FLNB: variants seen among roughly 807,000 people sequenced by gnomAD.
FLNB encodes the protein filamin B.
A neutral mutation model predicts 250.6 loss-of-function variants in FLNB; 111 were observed. That is an observed-to-expected ratio of 0.44 (90% CI 0.38 to 0.52). The LOEUF (loss-of-function observed/expected upper bound fraction) is 0.52, where lower values mean the gene tolerates loss of function less well. Among genes scored for constraint, FLNB ranks in the 20% least tolerant of loss-of-function variants. The probability of loss-of-function intolerance (pLI) is 0.00; values close to 1 mark genes in which losing one functional copy is unlikely to be tolerated. For missense variants in FLNB, 2,869 were observed against 3,447.8 expected (o/e 0.83, Z 4.20); for synonymous variants, 1,302 against 1,372.1 (o/e 0.95, Z 1.13).
At chr3:58,145,390 G>A (rs1264448301) in intron 32 of FLNB, among the ~76,000 whole-genome samples, 3 of 152,124 alleles carry the variant, frequency 2.0e-5, no homozygotes, top group Non-Finnish European at 4.4e-5. Context: ...GAGTAGATCA[G>A]CATTTATTTA....
intron 5 of FLNB, among the ~76,000 whole-genome samples, chr3:58,095,780 C>T (rs563763966): frequency 3.9e-5 from 6 of 152,226 alleles, no homozygotes; most frequent in Admixed American, 3.3e-4. Flanking sequence ...GGGATTGTAT[C>T]TGACTTGCTC....
chr3:58,115,008 G>A (rs74854867), intron 18 of FLNB, among the ~76,000 whole-genome samples: 1 of 151,904 alleles, frequency 6.6e-6, no homozygotes, highest in East Asian at 1.9e-4. Context: ...GCCTTTTCAC[G>A]CCGTTAACAG....
At chr3:58,145,884 TG>T (rs1559727652) in intron 32 of FLNB, 36 bp from the exon 33 acceptor site, 1 of 1,613,910 alleles carries the variant, frequency 6.2e-7, no homozygotes. Flanking sequence ...CACCCCTTAA[TG>T]AGCACCAATT....
rs111230857 is a variant in FLNB, at chr3:58,143,662, C to T, written c.5425+49C>T. 1.7e-4 allele frequency: 280 copies of T among 1,609,832 alleles called. No homozygotes were observed. The African/African-American group carries it at 2.8e-3, about 16-fold the overall frequency. ...CAGGGCTCCACCATTCAGGGGCATC[C>T]GGGCAGCCTGCAGACACTCCTCAGC... On this transcript the variant is annotated intron_variant, in intron 32 of 45. Coordinates refer to ENST00000295956, the MANE Select transcript of FLNB (RefSeq NM_001457.4).
At chr3:58,020,048 G>GTGTGT (rs2097111410) in intron 1 of FLNB, among the ~76,000 whole-genome samples, 1 of 136,904 alleles carries the variant, frequency 7.3e-6, no homozygotes, top group African/African-American at 2.7e-5. Flanking sequence ...ACACCACAGG[G>GTGTGT]GTGTGTGTGT....
At chr3:58,100,031 G>A (rs1461411209) in intron 8 of FLNB, among the ~76,000 whole-genome samples, 1 of 151,956 alleles carries the variant, frequency 6.6e-6, no homozygotes, top group Non-Finnish European at 1.5e-5. Context: ...TTCCATGAGT[G>A]TGTGTGTGTT....
chr3:58,062,253 C>T (rs1050611639), intron 1 of FLNB, among the ~76,000 whole-genome samples: 5 of 152,164 alleles, frequency 3.3e-5, no homozygotes, highest in African/African-American at 1.2e-4. Context: ...GTCATGACTT[C>T]TGAAAAACAG....
At position 58,021,431 on chromosome 3, in the gene FLNB, T is replaced by G. The variant is rs115965567; in HGVS notation, c.292+12575T>G. 7.8e-3 allele frequency among the ~76,000 whole-genome samples: 1,184 copies of G among 152,126 alleles called. 14 individuals are homozygous for G. Among genetic ancestry groups the G allele is most frequent in the African/African-American group, 0.027 (1,111 of 41,498 alleles). On this transcript the variant is annotated intron_variant, in intron 1 of 45. Transcript: ENST00000295956. Reference sequence around the variant, plus strand: ...GACCAGGAATGTGCTGCTGCTGGGATGGGGGCCCTCGGTGGAGCTTCTAGC... The same window carrying G: ...GACCAGGAATGTGCTGCTGCTGGGAGGGGGGCCCTCGGTGGAGCTTCTAGC...
intron 1 of FLNB, among the ~76,000 whole-genome samples, chr3:58,064,921 T>C (rs958637775): frequency 8.5e-5 from 13 of 152,132 alleles, no homozygotes; most frequent in Non-Finnish European, 8.8e-5. Context: ...GTGTCTGTAG[T>C]CCCAGCTACT....
chr3:58,163,559 T>C (rs942003621), intron 43 of FLNB: 5 of 563,178 alleles, frequency 8.9e-6, no homozygotes, highest in African/African-American at 1.9e-5. Flanking sequence ...ACCTCATTAC[T>C]GTTAGTTGTG....
chr3:58,133,411 A>G (rs897150643), intron 26 of FLNB, among the ~76,000 whole-genome samples: 24 of 132,110 alleles, frequency 1.8e-4, no homozygotes, highest in African/African-American at 7.3e-4. Context: ...AGCCTGGGCA[A>G]CATAGACCCT....
intron 4 of FLNB, among the ~76,000 whole-genome samples, chr3:58,086,978 G>C (rs2097218346): frequency 6.6e-6 from 1 of 152,194 alleles, no homozygotes; most frequent in Non-Finnish European, 1.5e-5. Context: ...GGGCATGGCG[G>C]CATGTGCCTG....
chr3:58,142,583 C>T lies in FLNB; in HGVS notation c.5182-67C>T. On this transcript the variant is annotated intron_variant, in intron 30 of 45. Transcript: ENST00000295956. The surrounding 1 kb of genome is among the most constrained non-coding windows in gnomAD (Gnocchi z 4.3). The stretch of plus-strand genomic sequence containing the variant: ...CTTGTAGAATTCCCAGCAGCTCTAA[C>T]CCCTGTAGCTTCACCAGCTCCCGCT... The T allele has an allele frequency of 7.4e-7, 1 of 1,355,034 alleles. No homozygotes were observed. Among genetic ancestry groups the T allele is most frequent in the East Asian group, 2.3e-5 (1 of 43,498 alleles). The allele number at this position is 1,355,034 out of a possible 1,614,324, so 83.9% of individuals were successfully genotyped here. A position where few individuals can be genotyped will look rare whatever the true frequency, so the allele number is the denominator to read the frequency against.
chr3:58,109,436 G>A (rs2097264844), intron 14 of FLNB, 114 bp downstream of exon 14: 1 of 1,587,632 alleles, frequency 6.3e-7, no homozygotes, highest in East Asian at 2.2e-5. Flanking sequence ...CATCCCTGGT[G>A]GGCCTTGAAT....
At chr3:58,045,999 C>CAAAAAAAAAAAAAAAAAAAAAA in intron 1 of FLNB, among the ~76,000 whole-genome samples, 1 of 68,972 alleles carries the variant, frequency 1.4e-5, no homozygotes, top group Non-Finnish European at 2.6e-5. Flanking sequence ...ACTCCGTCTC[C>CAAAAAAAAAAAAAAAAAAAAAA]AAAAAAAAAA....
intron 2 of FLNB, chr3:58,078,176 T>G (rs2106949988): frequency 1.4e-6 from 1 of 726,944 alleles, no homozygotes; most frequent in Non-Finnish European, 1.7e-6. Context: ...CATTAATTGA[T>G]TTCCTAATAT....
At chr3:58,038,595 A>AT (rs750245061) in intron 1 of FLNB, among the ~76,000 whole-genome samples, 2,711 of 143,870 alleles carry the variant, frequency 0.019, 63 homozygotes, top group African/African-American at 0.056. Context: ...CAGTTAATTA[A>AT]TTTTTTTTTT....
At chr3:58,077,578 T>C (rs557589580) in intron 2 of FLNB, among the ~76,000 whole-genome samples, 5 of 152,210 alleles carry the variant, frequency 3.3e-5, no homozygotes, top group Non-Finnish European at 5.9e-5. Flanking sequence ...GGGTTTAGGT[T>C]CCAGACTCCA....
At chr3:58,066,748 G>C (rs1295116234) in intron 1 of FLNB, among the ~76,000 whole-genome samples, 2 of 152,118 alleles carry the variant, frequency 1.3e-5, no homozygotes, top group Admixed American at 6.5e-5. Flanking sequence ...AAGGCATTGG[G>C]TGATGAAAAT....
Sources: allele counts gnomAD v4.1 joint callset (sites outside exome capture counted in the v4.1 genomes callset), GRCh38; gene constraint gnomAD v4.1.1; non-coding constraint Gnocchi (gnomAD v3.1); transcripts MANE v1.5; gene names NCBI Gene and HGNC (gene_info 2026-07-23, HGNC 2026-07-21).